TENM4: variants seen among roughly 807,000 people sequenced by gnomAD.
TENM4 encodes the protein teneurin-4.
Under a neutral mutation model 243.3 loss-of-function variants are expected in TENM4, and 82 were observed. The observed-to-expected ratio is 0.34, with a 90% CI of 0.28 to 0.40. The LOEUF is 0.40. TENM4 is among the 10% of genes least tolerant of loss of function. The pLI is 1.00. For synonymous variants in TENM4, 1,412 were observed against 1,456.3 expected (o/e 0.97, Z 0.69); for missense variants, 3,138 against 3,673.3 (o/e 0.85, Z 3.77).
intron 1 of TENM4, among the ~76,000 whole-genome samples, chr11:79,392,404 A>G (rs968247910): frequency 1.3e-5 from 2 of 152,220 alleles, no homozygotes; most frequent in Non-Finnish European, 2.9e-5. Flanking sequence ...GCCTTGGGGC[A>G]TTGAAGTGAC....
intron 12 of TENM4, among the ~76,000 whole-genome samples, chr11:78,844,274 C>A (rs1342423814): frequency 6.6e-6 from 1 of 152,116 alleles, no homozygotes. Flanking sequence ...GGAGATAGGG[C>A]CTATATGGAG....
At chr11:79,185,735 T>C (rs1863369903) in intron 3 of TENM4, among the ~76,000 whole-genome samples, 1 of 152,214 alleles carries the variant, frequency 6.6e-6, no homozygotes, top group South Asian at 2.1e-4. Context: ...GATGAAATCA[T>C]AAACCTTAGC....
chr11:79,025,390 A>C (rs1376161708), intron 6 of TENM4, among the ~76,000 whole-genome samples: 1 of 152,310 alleles, frequency 6.6e-6, no homozygotes, highest in East Asian at 1.9e-4. Flanking sequence ...TTTTAATAAT[A>C]ATTAATAATA....
In TENM4 at chr11:79,185,128, C is replaced by T. The variant is rs1005815901; in HGVS notation, c.-163+30680G>A. ...GCCTGGGCAACATGGCAAAACCCTG[C>T]CTCTAAAAAACATTTAAAAATTAGC... On this transcript the variant is annotated intron_variant, in intron 3 of 33. Coordinates refer to ENST00000278550, the MANE Select transcript of TENM4 (RefSeq NM_001098816.3). 5.9e-5 allele frequency among the ~76,000 whole-genome samples: 9 copies of T among 151,988 alleles called. 1 individual carries two copies. Among genetic ancestry groups the T allele is most frequent in the African/African-American group, 2.2e-4 (9 of 41,378 alleles).
At chr11:78,908,242 T>C (rs924370363) in intron 6 of TENM4, among the ~76,000 whole-genome samples, 2 of 152,204 alleles carry the variant, frequency 1.3e-5, no homozygotes, top group African/African-American at 4.8e-5. Context: ...GCTGTGTGAC[T>C]GTCATCAAGT....
chr11:79,182,048 C>G (rs944431186), intron 3 of TENM4, among the ~76,000 whole-genome samples: 1 of 151,718 alleles, frequency 6.6e-6, no homozygotes, highest in Non-Finnish European at 1.5e-5. Flanking sequence ...CAATGCAATC[C>G]CAATCAAAAT....
In TENM4 at chr11:78,855,987, C is replaced by A. The variant is rs530452107; in HGVS notation, c.1447G>T (p.Gly483Cys). 1.3e-6 allele frequency: 2 copies of A among 1,551,618 alleles called. No individual in the cohort carries two copies. The highest frequency in any genetic ancestry group is 3.9e-5 in the Admixed American group (2 of 50,996). ...ACCTGTGTATGTGAAGGAGGGAGGC[C>A]TTTTCTGCCATAAATGCCAACCAGG... The part of the protein sequence containing the change: ...AALVGIYGRK[G>C]LPPSHTQFDF... Residue 483 changes from glycine (G) to cysteine (C), a missense_variant, in exon 11 of 34, where the codon GGC becomes TGC. This residue lies in a region of TENM4 where 2,467 missense variants were observed against 3,059.1 expected (regional missense o/e 0.81). Coordinates refer to ENST00000278550, the MANE Select transcript of TENM4 (RefSeq NM_001098816.3).
At chr11:79,266,467 A>T (rs1203791917) in intron 2 of TENM4, among the ~76,000 whole-genome samples, 1 of 152,226 alleles carries the variant, frequency 6.6e-6, no homozygotes, top group Non-Finnish European at 1.5e-5. Flanking sequence ...GTTGAAGAAG[A>T]GGAATGATAC....
intron 6 of TENM4, among the ~76,000 whole-genome samples, chr11:79,043,326 G>T (rs754112854): frequency 6.6e-6 from 1 of 152,288 alleles, no homozygotes; most frequent in Middle Eastern, 3.4e-3. Flanking sequence ...CTGGTGCATG[G>T]AAGGTGCACG....
intron 3 of TENM4, among the ~76,000 whole-genome samples, chr11:79,202,552 G>T (rs574706028): frequency 2.0e-5 from 3 of 152,314 alleles, no homozygotes; most frequent in East Asian, 1.9e-4. Context: ...GCCTGCAAAG[G>T]TTCTCTGTCC....
At position 78,658,139 on chromosome 11, in the gene TENM4, G is replaced by T. The variant is rs751118965; in HGVS notation, c.8229C>A (p.Ile2743=). ...RVQGYDGFFV[I]SVEQYPELSD... is the part of the protein sequence containing the mutation. ...ACAGTTCTGGGTACTGCTCGACAGA[G>T]ATCACGAAAAAGCCGTCGTAGCCTT... is the stretch of plus-strand genomic sequence containing the variant. Residue 2743 remains isoleucine (I), a synonymous_variant, in exon 34 of 34, where the codon ATC becomes ATA. Coordinates refer to ENST00000278550, the MANE Select transcript of TENM4 (RefSeq NM_001098816.3). 6.2e-7 allele frequency: 1 copy of T among 1,613,920 alleles called. No homozygotes were observed. The highest frequency in any genetic ancestry group is 8.5e-7 in the Non-Finnish European group (1 of 1,179,910).
intron 6 of TENM4, among the ~76,000 whole-genome samples, chr11:78,982,822 C>T (rs945707950): frequency 3.3e-5 from 5 of 152,316 alleles, no homozygotes; most frequent in African/African-American, 1.2e-4. Context: ...TTCTCCTGCC[C>T]TTTGGAAACT....
chr11:78,696,505 G>A (rs933964996), intron 28 of TENM4, among the ~76,000 whole-genome samples: 3 of 152,116 alleles, frequency 2.0e-5, no homozygotes, highest in Non-Finnish European at 4.4e-5. Flanking sequence ...GTTTATGCCT[G>A]GAAATGGGTG....
At chr11:79,199,638 C>G (rs1337360223) in intron 3 of TENM4, among the ~76,000 whole-genome samples, 2 of 152,178 alleles carry the variant, frequency 1.3e-5, no homozygotes, top group Admixed American at 6.5e-5. Flanking sequence ...ATATGCAGTC[C>G]TGGGGCTGGA....
chr11:78,815,998 G>A (rs977296328), intron 12 of TENM4, among the ~76,000 whole-genome samples: 3 of 152,180 alleles, frequency 2.0e-5, no homozygotes, highest in Non-Finnish European at 4.4e-5. Context: ...CAGATCTATC[G>A]GTATAGGATC....
Position 78,670,362 on chromosome 11 carries a change from C to A in TENM4, c.5983G>T (p.Asp1995Tyr). The change falls in exon 32 of 34, where the codon GAT becomes TAT. Residue 1995 changes from aspartate to tyrosine, a missense_variant. Physicochemically the swap from Asp to Tyr is radical, Grantham distance 160. This residue lies in a region of TENM4 where 2,467 missense variants were observed against 3,059.1 expected (regional missense o/e 0.81). Coordinates refer to ENST00000278550, the MANE Select transcript of TENM4 (RefSeq NM_001098816.3). ...NASVIQDFTEDGHLLHTFYLG... is the reference protein window; with the variant it reads ...NASVIQDFTEYGHLLHTFYLG... The stretch of plus-strand genomic sequence containing the variant: ...TAGAAGGTGTGAAGGAGGTGCCCAT[C>A]CTCAGTGAAGTCCTGTATGACTGAG... The A allele has an allele frequency of 6.2e-7, 1 of 1,613,948 alleles. No homozygotes were observed. Among genetic ancestry groups the A allele is most frequent in the Non-Finnish European group, 8.5e-7 (1 of 1,179,858 alleles).
intron 8 of TENM4, among the ~76,000 whole-genome samples, 190 bp downstream of exon 8, chr11:78,891,048 G>A (rs986664576): frequency 2.0e-5 from 3 of 152,226 alleles, no homozygotes; most frequent in Non-Finnish European, 4.4e-5. Context: ...TAACAAGACT[G>A]CTGTTAATAT....
At chr11:78,737,542 A>G (rs1352927652) in intron 20 of TENM4, among the ~76,000 whole-genome samples, 2 of 152,190 alleles carry the variant, frequency 1.3e-5, no homozygotes, top group Non-Finnish European at 2.9e-5. Flanking sequence ...ATAATTTCCA[A>G]CACAGAGTGA....
Position 78,805,510 on chromosome 11 carries a change from G to A in TENM4, c.1979-18C>T. 2 of 1,559,950 alleles carry A rather than the reference G, an allele frequency of 1.3e-6. No individual in the cohort carries two copies. Among genetic ancestry groups the A allele is most frequent in the Non-Finnish European group, 1.7e-6 (2 of 1,152,656 alleles). ...GCAGTCCACTGTGAGATGGAGGAAG[G>A]AGAACATAGGTAAGCATCTGACCAG... On this transcript the variant is annotated intron_variant, in intron 14 of 33. Coordinates refer to ENST00000278550, the MANE Select transcript of TENM4 (RefSeq NM_001098816.3).
Sources: gnomAD v4.1 joint callset for allele counts (sites outside exome capture counted in the v4.1 genomes callset) on GRCh38, gnomAD v4.1.1 for gene constraint, gnomAD v4.1.1 regional missense constraint, MANE v1.5 for transcripts, NCBI Gene and HGNC (gene_info 2026-07-23, HGNC 2026-07-21) for gene names.